Variants in KCTD5 observed in about 807,000 individuals in gnomAD.
KCTD5 encodes potassium channel tetramerization domain containing 5.
Under a neutral mutation model 27.9 loss-of-function variants are expected in KCTD5, and 12 were observed. The observed-to-expected ratio is 0.43, with a 90% CI of 0.28 to 0.70. The LOEUF is 0.70. Among genes scored for constraint, KCTD5 ranks in the 30% least tolerant of loss-of-function variants. The pLI is 0.19. For missense variants in KCTD5, 226 were observed against 274.8 expected (o/e 0.82, Z 1.26); for synonymous variants, 147 against 121.4 (o/e 1.21, Z -1.39).
chr16:2,688,404 C>G (rs551798924), intron 1 of KCTD5, among the ~76,000 whole-genome samples: 1 of 151,780 alleles, frequency 6.6e-6, no homozygotes, highest in African/African-American at 2.4e-5. Flanking sequence ...GCACGAGCCA[C>G]CATGTCTGGC....
chr16:2,707,011 G>A (rs570287023), intron 5 of KCTD5, among the ~76,000 whole-genome samples: 1 of 152,202 alleles, frequency 6.6e-6, no homozygotes. Flanking sequence ...CTGAGGCCCA[G>A]GACTGAGTGG....
At chr16:2,699,021 A>G in intron 3 of KCTD5, 1 of 418,730 alleles carries the variant, frequency 2.4e-6, no homozygotes, top group Non-Finnish European at 4.8e-6. Context: ...TGTCTTGCAG[A>G]ATAAAGCAAC....
chr16:2,697,555 C>T (rs1331645899), intron 2 of KCTD5, among the ~76,000 whole-genome samples: 1 of 152,202 alleles, frequency 6.6e-6, no homozygotes, highest in Non-Finnish European at 1.5e-5. Flanking sequence ...GATCCAACCC[C>T]CAGCATACCA....
chr16:2,682,976 G>C, intron 1 of KCTD5, 176 bp downstream of exon 1: 1 of 695,426 alleles, frequency 1.4e-6, no homozygotes. Context: ...CCCCTACCCT[G>C]GGAGGGGAGG....
At chr16:2,694,405 AGG>A (rs556547782) in intron 1 of KCTD5, among the ~76,000 whole-genome samples, 2 of 80,146 alleles carry the variant, frequency 2.5e-5, no homozygotes, top group Non-Finnish European at 5.5e-5. Flanking sequence ...CCTAAGGAGT[AGG>A]GGGGCCGCCG....
chr16:2,682,680 G>A lies in KCTD5; in HGVS notation c.132G>A (p.Lys44=), dbSNP rs2067523516. The A allele has an allele frequency of 1.2e-6, 2 of 1,608,730 alleles. No individual in the cohort carries two copies. The highest frequency in any genetic ancestry group is 1.7e-6 in the Non-Finnish European group (2 of 1,178,298). The change falls in exon 1 of 6, where the codon AAG becomes AAA. Residue 44 remains lysine, a synonymous_variant. Coordinates refer to ENST00000301738, the MANE Select transcript of KCTD5 (RefSeq NM_018992.4). The part of the protein sequence containing the change: ...ALAQRPGSVS[K]WVRLNVGGTY... ...CCCAGCGCCCTGGCAGCGTGTCCAAGTGGGTCCGACTCAACGTCGGCGGCA... is the reference window on the plus strand; with the variant it reads ...CCCAGCGCCCTGGCAGCGTGTCCAAATGGGTCCGACTCAACGTCGGCGGCA...
At chr16:2,706,793 G>A (rs999792046) in intron 5 of KCTD5, among the ~76,000 whole-genome samples, 2 of 151,838 alleles carry the variant, frequency 1.3e-5, no homozygotes, top group Non-Finnish European at 2.9e-5. Flanking sequence ...TTGTTCCATG[G>A]GGCAGTCGGG....
chr16:2,703,498 C>T (rs1216759243), intron 5 of KCTD5, among the ~76,000 whole-genome samples: 4 of 152,180 alleles, frequency 2.6e-5, no homozygotes, highest in Admixed American at 2.0e-4. Flanking sequence ...GACACCTGGG[C>T]AACCGCAGAC....
chr16:2,687,899 G>T (rs556437710), intron 1 of KCTD5, among the ~76,000 whole-genome samples: 2 of 152,062 alleles, frequency 1.3e-5, no homozygotes, highest in African/African-American at 4.8e-5. Flanking sequence ...GCGTCAACTC[G>T]GCAGTTCTCC....
chr16:2,699,769 C>G, intron 3 of KCTD5, 52 bp from the exon 4 acceptor site: 1 of 1,539,120 alleles, frequency 6.5e-7, no homozygotes, highest in Admixed American at 1.7e-5. Flanking sequence ...GGGCCACAGG[C>G]AGCAGTGGGA....
intron 5 of KCTD5, among the ~76,000 whole-genome samples, chr16:2,706,849 C>T (rs1206756800): frequency 1.2e-4 from 12 of 103,286 alleles, no homozygotes; most frequent in African/African-American, 1.1e-4. Context: ...GGTGCAGGGC[C>T]GAGGGCTTGG....
Position 2,702,345 on chromosome 16 carries a change from C to T in KCTD5, c.550-8C>T, listed in dbSNP as rs745747037. ...CTGGGCTGCGTCTCAGGCTATGTCTCCTTGCAGTTGGTCAGCATCGGCTCC... is the reference window on the plus strand; with the variant it reads ...CTGGGCTGCGTCTCAGGCTATGTCTTCTTGCAGTTGGTCAGCATCGGCTCC... On this transcript the variant is annotated splice_polypyrimidine_tract_variant and splice_region_variant and intron_variant, in intron 4 of 5. Transcript: ENST00000301738. 1 of 1,613,432 alleles carries T rather than the reference C, an allele frequency of 6.2e-7. No homozygotes were observed.
intron 1 of KCTD5, 142 bp downstream of exon 1, chr16:2,682,942 A>C: frequency 1.9e-6 from 2 of 1,076,160 alleles, no homozygotes; most frequent in Non-Finnish European, 2.5e-6. Context: ...CCTTGTCGCC[A>C]GCTCCTCCCC....
intron 4 of KCTD5, among the ~76,000 whole-genome samples, chr16:2,701,021 G>C (rs879273939): frequency 1.3e-5 from 2 of 152,192 alleles, no homozygotes; most frequent in Non-Finnish European, 2.9e-5. Context: ...GTTGTCCCTT[G>C]GTGGGGCTGG....
At chr16:2,689,936 A>G (rs1247569689) in intron 1 of KCTD5, among the ~76,000 whole-genome samples, 2 of 152,206 alleles carry the variant, frequency 1.3e-5, no homozygotes, top group South Asian at 2.1e-4. Context: ...TTGGCCTCCC[A>G]AAGTGCTGGG....
chr16:2,690,682 G>T lies in KCTD5; in HGVS notation c.253-5253G>T, dbSNP rs541982366. 1.4e-3 allele frequency among the ~76,000 whole-genome samples: 209 copies of T among 152,302 alleles called. 3 individuals carry two copies. Among genetic ancestry groups the T allele is most frequent in the African/African-American group, 4.8e-3 (201 of 41,560 alleles). On this transcript the variant is annotated intron_variant, in intron 1 of 5. Coordinates refer to ENST00000301738, the MANE Select transcript of KCTD5 (RefSeq NM_018992.4). Reference sequence around the variant, plus strand: ...CTGGCCGCCTCTCCTCATCCCAGTCGTAGAGGCGTGAGCGGGCCGGGGCAT... The same window carrying T: ...CTGGCCGCCTCTCCTCATCCCAGTCTTAGAGGCGTGAGCGGGCCGGGGCAT...
At chr16:2,693,091 A>C (rs2067573911) in intron 1 of KCTD5, among the ~76,000 whole-genome samples, 1 of 152,162 alleles carries the variant, frequency 6.6e-6, no homozygotes, top group Non-Finnish European at 1.5e-5. Context: ...GGTGGGTGTG[A>C]TGGCTGTGCC....
intron 5 of KCTD5, among the ~76,000 whole-genome samples, chr16:2,706,738 G>A (rs895224332): frequency 4.7e-5 from 7 of 150,084 alleles, no homozygotes; most frequent in Admixed American, 1.3e-4. Flanking sequence ...GGGGATCCCC[G>A]CAGCGTGATC....
At chr16:2,701,637 C>T (rs1567195980) in intron 4 of KCTD5, among the ~76,000 whole-genome samples, 2 of 148,188 alleles carry the variant, frequency 1.3e-5, no homozygotes, top group Non-Finnish European at 3.0e-5. Context: ...TCCAACTGCG[C>T]AGGTCTTAGA....
Sources: gnomAD v4.1 joint callset for allele counts (sites outside exome capture counted in the v4.1 genomes callset) on GRCh38, gnomAD v4.1.1 for gene constraint, MANE v1.5 for transcripts, NCBI Gene and HGNC (gene_info 2026-07-23, HGNC 2026-07-21) for gene names.